GALNTL6: variants seen among roughly 807,000 people sequenced by gnomAD.
GALNTL6 encodes the protein polypeptide N-acetylgalactosaminyltransferase-like 6.
A neutral mutation model predicts 73.7 loss-of-function variants in GALNTL6; 46 were observed. The observed-to-expected ratio is 0.62, with a 90% confidence interval of 0.49 to 0.80. The LOEUF is 0.80. GALNTL6 is among the 30% of genes least tolerant of loss of function. The pLI, the probability that GALNTL6 is intolerant of heterozygous loss-of-function variation, is 0.00. For missense variants in GALNTL6, 604 were observed against 755.0 expected, an observed-to-expected ratio of 0.80 and a Z score of 2.34; for synonymous variants, 259 against 263.7, an observed-to-expected ratio of 0.98 and a Z score of 0.17.
chr4:172,658,461 C>T (rs1401140435), intron 5 of GALNTL6, among the ~76,000 whole-genome samples: 3 of 140,042 alleles, frequency 2.1e-5, no homozygotes, highest in Non-Finnish European at 3.0e-5. Context: ...AGAGAGACTC[C>T]GTCTCAAAAA....
chr4:171,970,818 T>C (rs1739547388), intron 2 of GALNTL6, among the ~76,000 whole-genome samples: 1 of 152,202 alleles, frequency 6.6e-6, no homozygotes, highest in Non-Finnish European at 1.5e-5. Context: ...ATACACAGCC[T>C]GAGCAAAAAT....
intron 2 of GALNTL6, among the ~76,000 whole-genome samples, chr4:171,833,449 CTCAT>C (rs1735029220): frequency 6.6e-6 from 1 of 151,582 alleles, no homozygotes; most frequent in African/African-American, 2.4e-5. Flanking sequence ...ATCTTATTCT[CTCAT>C]TAACAACCAA....
At chr4:172,883,213 G>A (rs1330424347) in intron 8 of GALNTL6, among the ~76,000 whole-genome samples, 1 of 152,002 alleles carries the variant, frequency 6.6e-6, no homozygotes, top group East Asian at 1.9e-4. Flanking sequence ...TCTTTGTGTT[G>A]GAAACATTGC....
intron 8 of GALNTL6, among the ~76,000 whole-genome samples, chr4:172,893,369 A>G (rs531999434): frequency 3.4e-4 from 51 of 150,796 alleles, no homozygotes; most frequent in Non-Finnish European, 6.9e-4. Flanking sequence ...TCCCCTTCTC[A>G]AACTCAAGCC....
At chr4:172,189,665 A>T (rs939822771) in intron 2 of GALNTL6, among the ~76,000 whole-genome samples, 1 of 152,156 alleles carries the variant, frequency 6.6e-6, no homozygotes, top group Non-Finnish European at 1.5e-5. Flanking sequence ...ACTTGAATAA[A>T]CCTGCCCTTT....
At chr4:172,779,663 AGACAGACTCATAGTCAGT>A (rs1739272029) in intron 5 of GALNTL6, among the ~76,000 whole-genome samples, 1 of 152,252 alleles carries the variant, frequency 6.6e-6, no homozygotes, top group African/African-American at 2.4e-5. Flanking sequence ...TGGTTACTGT[AGACAGACTCATAGTCAGT>A]AATGGGTTAA....
intron 2 of GALNTL6, among the ~76,000 whole-genome samples, chr4:171,903,245 C>G (rs2110946116): frequency 6.6e-6 from 1 of 152,236 alleles, no homozygotes; most frequent in East Asian, 2.0e-4. Flanking sequence ...GTTCATCTCA[C>G]TAGGGAGTGC....
chr4:172,784,795 TA>T (rs1190551822), intron 5 of GALNTL6, among the ~76,000 whole-genome samples: 5 of 152,274 alleles, frequency 3.3e-5, no homozygotes, highest in African/African-American at 1.2e-4. Context: ...TTGCTACTTA[TA>T]AAAATAAAAG....
chr4:172,771,005 A>T (rs10025544), intron 5 of GALNTL6, among the ~76,000 whole-genome samples: 72,994 of 152,054 alleles, frequency 0.48, 18,353 homozygotes, highest in African/African-American at 0.63. Flanking sequence ...GTTGTATTTT[A>T]AATAAAATTC....
At chr4:172,813,486 G>A in intron 6 of GALNTL6, 54 bp from the exon 7 acceptor site, 1 of 1,470,096 alleles carries the variant, frequency 6.8e-7, no homozygotes, top group Non-Finnish European at 9.4e-7. Flanking sequence ...GCTGAAAAAT[G>A]ATAGATGACC....
chr4:172,874,629 C>T lies in GALNTL6; in HGVS notation c.924-8161C>T, dbSNP rs530924752. 9.2e-5 allele frequency among the ~76,000 whole-genome samples: 14 copies of T among 152,250 alleles called. 1 individual carries two copies. The South Asian group carries it at 2.9e-3, about 32-fold the overall frequency. On this transcript the variant is annotated intron_variant, in intron 7 of 12. Transcript: ENST00000506823. ...GGTGACACCCTGGGGCATCCATTTA[C>T]ATGTATCGTTAGGTGTGTGGTTGGC...
At chr4:172,235,687 T>A (rs1192776954) in intron 3 of GALNTL6, among the ~76,000 whole-genome samples, 1 of 152,140 alleles carries the variant, frequency 6.6e-6, no homozygotes, top group Non-Finnish European at 1.5e-5. Flanking sequence ...GCAGGTTTGT[T>A]ATGAGGGTAT....
chr4:172,288,127 C>G (rs4459957), intron 3 of GALNTL6, among the ~76,000 whole-genome samples: 126,636 of 150,466 alleles, frequency 0.84, 53,432 homozygotes, highest in South Asian at 0.88. Flanking sequence ...TTTTCACTCT[C>G]TCTCCCAGGC....
chr4:172,741,099 A>G lies in GALNTL6; in HGVS notation c.554-68262A>G, dbSNP rs1161795255. Among the ~76,000 whole-genome samples, 5 of 151,654 alleles carry G rather than the reference A, an allele frequency of 3.3e-5. No individual in the cohort carries two copies. In the East Asian group the frequency reaches 7.7e-4, roughly 23 times the overall value. ...ACACTGAATTAGTGAATGTTGAATCATTGACCTTAAAATATTGAAATAACC... is the reference window on the plus strand; with the variant it reads ...ACACTGAATTAGTGAATGTTGAATCGTTGACCTTAAAATATTGAAATAACC... On this transcript the variant is annotated intron_variant, in intron 5 of 12. Coordinates refer to ENST00000506823, the MANE Select transcript of GALNTL6 (RefSeq NM_001034845.3).
intron 10 of GALNTL6, among the ~76,000 whole-genome samples, chr4:173,007,116 TCCA>T (rs1319712871): frequency 6.6e-6 from 1 of 152,170 alleles, no homozygotes; most frequent in African/African-American, 2.4e-5. Flanking sequence ...AACTACTCTT[TCCA>T]CCACCACCAT....
intron 2 of GALNTL6, among the ~76,000 whole-genome samples, chr4:172,008,706 TCTC>T (rs1740909184): frequency 1.3e-5 from 2 of 152,040 alleles, no homozygotes; most frequent in South Asian, 2.1e-4. Context: ...CCTTTACACT[TCTC>T]CTTTTCATTG....
intron 2 of GALNTL6, among the ~76,000 whole-genome samples, chr4:171,891,146 A>G (rs933368393): frequency 1.3e-5 from 2 of 152,182 alleles, no homozygotes; most frequent in African/African-American, 4.8e-5. Context: ...ATCATGGTCA[A>G]AGATTCATGA....
chr4:172,074,687 C>T (rs185542006), intron 2 of GALNTL6, among the ~76,000 whole-genome samples: 2 of 152,236 alleles, frequency 1.3e-5, no homozygotes, highest in Admixed American at 1.3e-4. Context: ...ACTGTCCCTA[C>T]CCTTCTTATA....
chr4:171,937,043 C>T (rs1738371107), intron 2 of GALNTL6, among the ~76,000 whole-genome samples: 1 of 152,100 alleles, frequency 6.6e-6, no homozygotes, highest in Non-Finnish European at 1.5e-5. Flanking sequence ...GACTCATGTG[C>T]TTAGCTGTGG....
Sources: allele counts gnomAD v4.1 joint callset (sites outside exome capture counted in the v4.1 genomes callset), GRCh38; gene constraint gnomAD v4.1.1; transcripts MANE v1.5; gene names NCBI Gene and HGNC (gene_info 2026-07-23, HGNC 2026-07-21).